YWHAG: variants seen among roughly 807,000 people sequenced by gnomAD.
The protein encoded by YWHAG is 14-3-3 protein gamma.
In YWHAG, 1 loss-of-function variant was observed where a neutral mutation model predicts 23.3. The observed-to-expected ratio is 0.04, with a 90% CI of 0.02 to 0.20. The LOEUF is 0.20. Ranked by LOEUF, YWHAG falls within the 10% of genes least tolerant of loss-of-function variation. The pLI is 1.00. For missense variants in YWHAG, 151 were observed against 338.6 expected (o/e 0.45, Z 4.35); for synonymous variants, 160 against 144.0 (o/e 1.11, Z -0.80).
At chr7:76,353,642 T>C (rs925817166) in intron 1 of YWHAG, among the ~76,000 whole-genome samples, 6 of 152,158 alleles carry the variant, frequency 3.9e-5, no homozygotes, top group African/African-American at 1.4e-4. Flanking sequence ...TATGTTTTGG[T>C]AGTTAATCAA....
At chr7:76,346,760 G>T (rs1803784708) in intron 1 of YWHAG, among the ~76,000 whole-genome samples, 1 of 152,068 alleles carries the variant, frequency 6.6e-6, no homozygotes, top group African/African-American at 2.4e-5. Flanking sequence ...CTGCTGCCTG[G>T]GATCTCGCCA....
At chr7:76,345,796 A>C (rs7796797) in intron 1 of YWHAG, among the ~76,000 whole-genome samples, 45,376 of 151,672 alleles carry the variant, frequency 0.3, 6,966 homozygotes, top group East Asian at 0.44. Flanking sequence ...TTAGCTGGGC[A>C]TGGTGGCACG....
chr7:76,344,377 T>G (rs942427560), intron 1 of YWHAG, among the ~76,000 whole-genome samples: 1 of 152,112 alleles, frequency 6.6e-6, no homozygotes, highest in East Asian at 1.9e-4. Flanking sequence ...TTAGGCTTGT[T>G]AAAACATTTT....
intron 1 of YWHAG, among the ~76,000 whole-genome samples, chr7:76,350,841 C>CA (rs202225185): frequency 0.013 from 2,009 of 150,966 alleles, 21 homozygotes; most frequent in South Asian, 0.027. Context: ...AAGACTGTCT[C>CA]AAAAAAAAGA....
chr7:76,342,903 G>A (rs374594299), intron 1 of YWHAG, among the ~76,000 whole-genome samples: 6 of 152,106 alleles, frequency 3.9e-5, no homozygotes, highest in African/African-American at 1.2e-4. Context: ...TTGGGAGGCC[G>A]AGGCAGGAGG....
At chr7:76,344,397 G>C (rs1290641359) in intron 1 of YWHAG, among the ~76,000 whole-genome samples, 3 of 152,074 alleles carry the variant, frequency 2.0e-5, no homozygotes, top group African/African-American at 7.2e-5. Context: ...TTAACAATTA[G>C]GGCACATGAC....
Position 76,354,458 on chromosome 7 carries a change from C to T in YWHAG, c.87+4264G>A, listed in dbSNP as rs1266549461. On this transcript the variant is annotated intron_variant, in intron 1 of 1. Coordinates refer to ENST00000307630, the MANE Select transcript of YWHAG (RefSeq NM_012479.4). ...CCTGGGAGGCAGAGGTTGCGGTGAG[C>T]CGAGATACCACACCACTGCCCACTG... is the stretch of plus-strand genomic sequence containing the variant. Among the ~76,000 whole-genome samples the T allele has an allele frequency of 2.6e-5, 4 of 151,544 alleles. No homozygotes were observed. The East Asian group carries it at 5.9e-4, about 22-fold the overall frequency.
At chr7:76,341,043 G>A (rs181842843) in intron 1 of YWHAG, among the ~76,000 whole-genome samples, 116 of 152,060 alleles carry the variant, frequency 7.6e-4, no homozygotes, top group South Asian at 3.3e-3. Context: ...TGATCCTCCC[G>A]CCCCTCCCCA....
intron 1 of YWHAG, among the ~76,000 whole-genome samples, chr7:76,349,065 G>A (rs1291071645): frequency 2.0e-5 from 3 of 152,008 alleles, no homozygotes; most frequent in Admixed American, 1.3e-4. Context: ...CTTCCCGGCC[G>A]GGTGTGGTGG....
Position 76,330,158 on chromosome 7 carries a change from C to T in YWHAG, c.163G>A (p.Ala55Thr), listed in dbSNP as rs866370817. The T allele has an allele frequency of 6.2e-7, 1 of 1,611,182 alleles. No homozygotes were observed. Among genetic ancestry groups the T allele is most frequent in the Non-Finnish European group, 8.5e-7 (1 of 1,179,082 alleles). ...ATGACCCTCCAGGAAGAGCGGCGTG[C>T]CCCCACAACGTTCTTGTAGGCCACA... Reference protein sequence around the residue: ...LSVAYKNVVGARRSSWRVISS... With the variant: ...LSVAYKNVVGTRRSSWRVISS... The change falls in exon 2 of 2, where the codon GCA (alanine) becomes ACA (threonine). Residue 55 changes from alanine to threonine, a missense_variant. By Grantham distance (58) the Ala-to-Thr change is moderately conservative. Coordinates refer to ENST00000307630, the MANE Select transcript of YWHAG (RefSeq NM_012479.4).
Position 76,329,628 on chromosome 7 carries a change from C to T in YWHAG, c.693G>A (p.Thr231=), listed in dbSNP as rs150625762. Residue 231 remains threonine (T), a synonymous_variant, in exon 2 of 2, where the codon ACG becomes ACA. Coordinates refer to ENST00000307630, the MANE Select transcript of YWHAG (RefSeq NM_012479.4). This position sits in a 1 kb window ranked among gnomAD's most constrained non-coding sequence, Gnocchi z 6.1. The part of the protein sequence containing the change: ...LIMQLLRDNL[T]LWTSDQQDDD... ...CGTCCTGCTGGTCGCTCGTCCAGAG[C>T]GTGAGGTTGTCGCGGAGGAGCTGCA... 9.0e-5 allele frequency: 145 copies of T among 1,614,120 alleles called. No homozygotes were observed. The African/African-American group carries it at 1.4e-3, about 16-fold the overall frequency.
At chr7:76,352,785 G>A (rs1803895154) in intron 1 of YWHAG, among the ~76,000 whole-genome samples, 1 of 151,968 alleles carries the variant, frequency 6.6e-6, no homozygotes, top group African/African-American at 2.4e-5. Context: ...TAGTAGCTGG[G>A]ATTACAGGCA....
At chr7:76,340,115 C>G (rs1803670087) in intron 1 of YWHAG, among the ~76,000 whole-genome samples, 1 of 152,004 alleles carries the variant, frequency 6.6e-6, no homozygotes, top group African/African-American at 2.4e-5. Flanking sequence ...CACACACATA[C>G]ACACACAAAC....
Position 76,358,942 on chromosome 7 carries a change from G to A in YWHAG, c.-134C>T, listed in dbSNP as rs1243693369. The A allele has an allele frequency of 7.5e-6, 6 of 795,682 alleles. No individual in the cohort carries two copies. Among genetic ancestry groups the A allele is most frequent in the Admixed American group, 4.2e-5 (1 of 23,986 alleles). The allele number at this position is 795,682 out of a possible 1,614,324, so 49.3% of individuals were successfully genotyped here. A position where few individuals can be genotyped will look rare whatever the true frequency, so the allele number is the denominator to read the frequency against. On this transcript the variant is annotated 5_prime_UTR_variant, in exon 1 of 2. Transcript: ENST00000307630. The stretch of plus-strand genomic sequence containing the variant: ...CGAGCAGCTGAGGCGGCGGCTGCGC[G>A]GAGGAGGCGGCTGGAGCTGCGACCG...
rs534488511 is a variant in YWHAG, at chr7:76,327,295, A to G, written c.*2282T>C. ...CATAGGAATACATAACACCTACAGT[A>G]TAAGTTAATCAATTTCAAGCTACTG... On this transcript the variant is annotated 3_prime_UTR_variant, in exon 2 of 2. Coordinates refer to ENST00000307630, the MANE Select transcript of YWHAG (RefSeq NM_012479.4). 2.0e-5 allele frequency: 3 copies of G among 152,320 alleles called. No homozygotes were observed. Among genetic ancestry groups the G allele is most frequent in the Non-Finnish European group, 4.4e-5 (3 of 68,012 alleles). 9.4% of individuals were successfully genotyped at this position (152,320 alleles called of 1,614,324 possible).
At chr7:76,355,636 G>C (rs528504217) in intron 1 of YWHAG, among the ~76,000 whole-genome samples, 45 of 152,264 alleles carry the variant, frequency 3.0e-4, no homozygotes, top group African/African-American at 9.6e-4. Flanking sequence ...AAGAGCCTGG[G>C]GGGGAGGGGG....
chr7:76,349,003 G>A lies in YWHAG; in HGVS notation c.87+9719C>T, dbSNP rs927135697. 5.9e-5 allele frequency among the ~76,000 whole-genome samples: 9 copies of A among 152,210 alleles called. No individual in the cohort carries two copies. The East Asian group carries it at 9.6e-4, about 16-fold the overall frequency. ...AATGCTTCCCAAGGTGACAGTAAAC[G>A]TCAAACTATATTACAATATTTCATC... On this transcript the variant is annotated intron_variant, in intron 1 of 1. Transcript: ENST00000307630.
At chr7:76,354,031 C>G (rs1431135148) in intron 1 of YWHAG, among the ~76,000 whole-genome samples, 2 of 145,386 alleles carry the variant, frequency 1.4e-5, no homozygotes, top group African/African-American at 2.6e-5. Context: ...CATGCTCCAG[C>G]CTGGGTGACA....
chr7:76,328,897 G>A lies in YWHAG; in HGVS notation c.*680C>T, dbSNP rs1189737393. The A allele has an allele frequency of 6.6e-6, 1 of 152,164 alleles. No individual in the cohort carries two copies. The highest frequency in any genetic ancestry group is 1.5e-5 in the Non-Finnish European group (1 of 68,024). The allele number at this position is 152,164 out of a possible 1,614,324, so 9.4% of individuals were successfully genotyped here. The stretch of plus-strand genomic sequence containing the variant: ...CAGCAAAACCAACCTGGATAAGGCT[G>A]AATAAGGATGTTAAAGCCCAAACAA... On this transcript the variant is annotated 3_prime_UTR_variant, in exon 2 of 2. Coordinates refer to ENST00000307630, the MANE Select transcript of YWHAG (RefSeq NM_012479.4).
Sources: gnomAD v4.1 joint callset for allele counts (sites outside exome capture counted in the v4.1 genomes callset) on GRCh38, gnomAD v4.1.1 for gene constraint, Gnocchi (gnomAD v3.1) non-coding constraint, MANE v1.5 for transcripts, NCBI Gene and HGNC (gene_info 2026-07-23, HGNC 2026-07-21) for gene names.